SLC25A13: variants seen among roughly 807,000 people sequenced by gnomAD.
SLC25A13 encodes the protein solute carrier family 25 member 13.
In SLC25A13, 70 loss-of-function variants were observed where a neutral mutation model predicts 85.5. The observed-to-expected ratio is 0.82, with a 90% CI of 0.68 to 1.00. The LOEUF is 1.00. SLC25A13 is among the 50% of genes least tolerant of loss of function. SLC25A13 has a pLI of 0.00. For missense variants in SLC25A13, 765 were observed against 819.8 expected (o/e 0.93, Z 0.82); for synonymous variants, 259 against 288.7 (o/e 0.90, Z 1.04).
intron 1 of SLC25A13, among the ~76,000 whole-genome samples, chr7:96,300,162 C>T (rs1192206698): frequency 6.6e-6 from 1 of 152,142 alleles, no homozygotes; most frequent in Admixed American, 6.5e-5. Flanking sequence ...ATAATCCCAG[C>T]ACTTTGGGAG....
In SLC25A13 at chr7:96,168,707, T is replaced by C. The variant is rs184681315; in HGVS notation, c.1311+1338A>G. On this transcript the variant is annotated intron_variant, in intron 13 of 17. Coordinates refer to ENST00000265631, the MANE Select transcript of SLC25A13 (RefSeq NM_014251.3). ...TTTTAATTCTTACAGAAATCTATAA[T>C]CATATCTTTTCAGAAAGTTTAAAAT... Among the ~76,000 whole-genome samples the C allele has an allele frequency of 2.0e-5, 3 of 152,262 alleles. No homozygotes were observed. The East Asian group carries it at 5.8e-4, about 29-fold the overall frequency.
chr7:96,196,328 AT>A (rs1385346877), intron 5 of SLC25A13, among the ~76,000 whole-genome samples: 1 of 152,218 alleles, frequency 6.6e-6, no homozygotes, highest in Non-Finnish European at 1.5e-5. Context: ...ATGTTCAGCG[AT>A]TTACCATTTT....
chr7:96,190,959 G>A, intron 7 of SLC25A13, 150 bp downstream of exon 7: 2 of 1,026,840 alleles, frequency 1.9e-6, no homozygotes, highest in Non-Finnish European at 3.0e-6. Flanking sequence ...GCTTTTGTTT[G>A]TCTGATCAAA....
At chr7:96,236,166 C>T (rs76574986) in intron 3 of SLC25A13, among the ~76,000 whole-genome samples, 423 of 152,138 alleles carry the variant, frequency 2.8e-3, no homozygotes, top group African/African-American at 9.4e-3. Flanking sequence ...AAAGGAAAAA[C>T]GCAGTGTGTT....
rs1195001372 is a variant in SLC25A13 at position 96,185,005 on chromosome 7, A to G, written c.940T>C (p.Ser314Pro). The change falls in exon 10 of 18, where the codon TCA becomes CCA. Residue 314 changes from serine to proline, a missense_variant. Coordinates refer to ENST00000265631, the MANE Select transcript of SLC25A13 (RefSeq NM_014251.3). ...NLAEAQRQKA[S>P]GDSARPVLLQ... The stretch of plus-strand genomic sequence containing the variant: ...AGAACTGGTCGAGCTGAATCACCTG[A>G]GGCCTTCTGCTTTGCATGCACAGGA... The G allele has an allele frequency of 1.2e-6, 2 of 1,613,894 alleles. No individual in the cohort carries two copies. The highest frequency in any genetic ancestry group is 2.2e-5 in the South Asian group (2 of 90,996).
intron 14 of SLC25A13, among the ~76,000 whole-genome samples, chr7:96,145,326 C>T (rs1471446953): frequency 3.9e-5 from 6 of 152,066 alleles, no homozygotes; most frequent in East Asian, 1.9e-4. Flanking sequence ...GAGTACCATT[C>T]GGGGAAGGGA....
chr7:96,197,405 T>C (rs975891197), intron 5 of SLC25A13, among the ~76,000 whole-genome samples: 2 of 152,144 alleles, frequency 1.3e-5, no homozygotes, highest in Non-Finnish European at 2.9e-5. Flanking sequence ...CTAAAAGGCC[T>C]TCTCCTGGCC....
chr7:96,265,007 C>A (rs1313217174), intron 3 of SLC25A13, among the ~76,000 whole-genome samples: 1 of 152,204 alleles, frequency 6.6e-6, no homozygotes, highest in African/African-American at 2.4e-5. Context: ...CAGCCTCACA[C>A]AGATTCATAG....
intron 3 of SLC25A13, among the ~76,000 whole-genome samples, chr7:96,253,381 TC>T (rs889414846): frequency 6.6e-6 from 1 of 151,986 alleles, no homozygotes; most frequent in African/African-American, 2.4e-5. Flanking sequence ...TAACTAAACT[TC>T]CCTGGAGTTT....
At chr7:96,157,226 T>C (rs943852873) in intron 13 of SLC25A13, among the ~76,000 whole-genome samples, 1 of 151,052 alleles carries the variant, frequency 6.6e-6, no homozygotes, top group Non-Finnish European at 1.5e-5. Context: ...AAATGCTCTG[T>C]TTTTTTTTCA....
chr7:96,231,304 A>G (rs1178650441), intron 4 of SLC25A13, among the ~76,000 whole-genome samples: 1 of 152,228 alleles, frequency 6.6e-6, no homozygotes, highest in East Asian at 1.9e-4. Flanking sequence ...GCAACTATCA[A>G]GAGAGTAAAC....
intron 2 of SLC25A13, among the ~76,000 whole-genome samples, chr7:96,287,473 C>T (rs1409058038): frequency 6.6e-6 from 1 of 152,184 alleles, no homozygotes; most frequent in African/African-American, 2.4e-5. Context: ...TAAACAGAAA[C>T]ACTACAGGTG....
chr7:96,309,240 C>G (rs578022068), intron 1 of SLC25A13, among the ~76,000 whole-genome samples: 2 of 152,290 alleles, frequency 1.3e-5, no homozygotes, highest in African/African-American at 4.8e-5. Context: ...TTGTTTGGAC[C>G]TGCTGGGAAT....
chr7:96,178,381 A>G (rs563372562), intron 11 of SLC25A13, among the ~76,000 whole-genome samples: 2 of 152,308 alleles, frequency 1.3e-5, no homozygotes, highest in East Asian at 3.9e-4. Flanking sequence ...CATAGAACTG[A>G]GACAGGGGCC....
chr7:96,225,443 G>A (rs991995106), intron 4 of SLC25A13, among the ~76,000 whole-genome samples: 3 of 152,012 alleles, frequency 2.0e-5, no homozygotes, highest in South Asian at 2.1e-4. Context: ...TACTCAGGAC[G>A]CTAAGGTGGA....
At chr7:96,210,659 T>G (rs1584460576) in intron 4 of SLC25A13, among the ~76,000 whole-genome samples, 1 of 152,244 alleles carries the variant, frequency 6.6e-6, no homozygotes, top group South Asian at 2.1e-4. Context: ...AGTGTCTGTA[T>G]CTCTGTAGGA....
At chr7:96,162,195 AG>A (rs1793533408) in intron 13 of SLC25A13, among the ~76,000 whole-genome samples, 1 of 152,230 alleles carries the variant, frequency 6.6e-6, no homozygotes. Context: ...AATCCACTTC[AG>A]GCAATCTGTC....
chr7:96,249,879 CAA>C (rs11368398), intron 3 of SLC25A13, among the ~76,000 whole-genome samples: 4 of 111,614 alleles, frequency 3.6e-5, no homozygotes, highest in Non-Finnish European at 3.6e-5. Flanking sequence ...CTTAACTTAG[CAA>C]AAAAAAAAAA....
chr7:96,142,073 A>T (rs1425133387), intron 14 of SLC25A13, among the ~76,000 whole-genome samples: 1 of 152,226 alleles, frequency 6.6e-6, no homozygotes, highest in East Asian at 1.9e-4. Flanking sequence ...GTTTGAAAAG[A>T]TTCTATTTGT....
Sources: gnomAD v4.1 joint callset for allele counts (sites outside exome capture counted in the v4.1 genomes callset) on GRCh38, gnomAD v4.1.1 for gene constraint, MANE v1.5 for transcripts, NCBI Gene and HGNC (gene_info 2026-07-23, HGNC 2026-07-21) for gene names.